Variants in CSNK2A2IP observed in about 807,000 individuals in gnomAD.
The protein encoded by CSNK2A2IP is casein kinase 2 subunit alpha' interacting protein, also known as casein kinase II subunit alpha'-interacting protein.
At chr3:88,437,236 G>A in the CSNK2A2IP span, among the ~76,000 whole-genome samples, 1 of 152,092 alleles carries the variant, frequency 6.6e-6, no homozygotes, top group Non-Finnish European at 1.5e-5. Flanking sequence ...AATGATGCTA[G>A]TGTCTGCAGC....
chr3:88,338,695 TC>T, the CSNK2A2IP span: 1 of 152,058 alleles, frequency 6.6e-6, no homozygotes, highest in Non-Finnish European at 1.5e-5. Flanking sequence ...CTAAAGTCCT[TC>T]TGTGTTGTAT....
the CSNK2A2IP span, among the ~76,000 whole-genome samples, chr3:88,440,053 C>T: frequency 2.0e-5 from 3 of 152,220 alleles, no homozygotes; most frequent in Non-Finnish European, 4.4e-5. Flanking sequence ...ACTCAGTTTC[C>T]CCATCCACAG....
At chr3:88,463,509 C>G in the CSNK2A2IP span, among the ~76,000 whole-genome samples, 4 of 152,072 alleles carry the variant, frequency 2.6e-5, no homozygotes, top group Non-Finnish European at 5.9e-5. Context: ...ACAGACACTT[C>G]TCAAAAGAAG....
At chr3:88,345,912 G>T in the CSNK2A2IP span, among the ~76,000 whole-genome samples, 1 of 152,004 alleles carries the variant, frequency 6.6e-6, no homozygotes, top group African/African-American at 2.4e-5. Flanking sequence ...CAGGTTGAAA[G>T]TTAGGCCTCT....
the CSNK2A2IP span, among the ~76,000 whole-genome samples, chr3:88,394,316 T>G: frequency 1.3e-5 from 2 of 152,202 alleles, no homozygotes; most frequent in Admixed American, 6.5e-5. Flanking sequence ...TATTTGGTGT[T>G]TTTAAGTTTT....
the CSNK2A2IP span, among the ~76,000 whole-genome samples, chr3:88,427,367 A>G: frequency 6.6e-6 from 1 of 152,184 alleles, no homozygotes; most frequent in Admixed American, 6.5e-5. Context: ...TGACAATGCA[A>G]TAGGAAAGAA....
chr3:88,395,801 TG>T, the CSNK2A2IP span, among the ~76,000 whole-genome samples: 1 of 152,236 alleles, frequency 6.6e-6, no homozygotes, highest in South Asian at 2.1e-4. Flanking sequence ...GAGTTTTCAA[TG>T]TACATGTCTT....
chr3:88,367,846 C>T, the CSNK2A2IP span, among the ~76,000 whole-genome samples: 1 of 151,996 alleles, frequency 6.6e-6, no homozygotes, highest in African/African-American at 2.4e-5. Flanking sequence ...ATTAAAAATG[C>T]AAATCTTTTG....
chr3:88,463,643 C>G, the CSNK2A2IP span, among the ~76,000 whole-genome samples: 1 of 152,102 alleles, frequency 6.6e-6, no homozygotes, highest in African/African-American at 2.4e-5. Flanking sequence ...ATTAAAAAGT[C>G]AGGAAACAAC....
chr3:88,444,793 T>C, the CSNK2A2IP span, among the ~76,000 whole-genome samples: 108 of 152,346 alleles, frequency 7.1e-4, 1 homozygote, highest in East Asian at 0.018. Flanking sequence ...TTCTTGATTT[T>C]ATATAAGCAA....
chr3:88,417,991 A>G, the CSNK2A2IP span, among the ~76,000 whole-genome samples: 1 of 152,220 alleles, frequency 6.6e-6, no homozygotes, highest in African/African-American at 2.4e-5. Context: ...TTTAAAATGT[A>G]TATTAATCAC....
At chr3:88,372,344 T>C in the CSNK2A2IP span, among the ~76,000 whole-genome samples, 1 of 151,420 alleles carries the variant, frequency 6.6e-6, no homozygotes, top group Non-Finnish European at 1.5e-5. Context: ...ATGAAAATGA[T>C]AACACAAAGG....
At chr3:88,380,042 TTGTAAA>T in the CSNK2A2IP span, among the ~76,000 whole-genome samples, 2 of 152,222 alleles carry the variant, frequency 1.3e-5, no homozygotes, top group South Asian at 4.1e-4. Context: ...ACTAAAAATG[TTGTAAA>T]TGTATAGAAT....
chr3:88,444,031 A>T, the CSNK2A2IP span, among the ~76,000 whole-genome samples: 1 of 152,100 alleles, frequency 6.6e-6, no homozygotes, highest in African/African-American at 2.4e-5. Context: ...CTTTATAGTC[A>T]CAGATAATAT....
the CSNK2A2IP span, among the ~76,000 whole-genome samples, chr3:88,366,754 G>A: frequency 3.9e-5 from 6 of 152,092 alleles, no homozygotes; most frequent in East Asian, 1.9e-4. Flanking sequence ...TTAAATAGGG[G>A]CATGTATTAG....
At chr3:88,466,676 C>G in the CSNK2A2IP span, 2 of 1,207,330 alleles carry the variant, frequency 1.7e-6, no homozygotes, top group South Asian at 4.2e-5. Context: ...AATTCTATCT[C>G]AAATACCAGA....
chr3:88,418,570 C>A, the CSNK2A2IP span, among the ~76,000 whole-genome samples: 1 of 151,852 alleles, frequency 6.6e-6, no homozygotes, highest in Admixed American at 6.6e-5. Context: ...TTAGCCTTAG[C>A]CATTGACAGG....
the CSNK2A2IP span, among the ~76,000 whole-genome samples, chr3:88,348,050 A>C: frequency 6.6e-6 from 1 of 151,970 alleles, no homozygotes. Flanking sequence ...TTCCTTATCT[A>C]ATTACAGGTT....
At chr3:88,455,716 C>G in the CSNK2A2IP span, among the ~76,000 whole-genome samples, 2 of 151,856 alleles carry the variant, frequency 1.3e-5, no homozygotes, top group Admixed American at 6.6e-5. Context: ...TGTAGTCCTA[C>G]TTATTTAGTT....
Sources: gnomAD v4.1 joint callset for allele counts (sites outside exome capture counted in the v4.1 genomes callset) on GRCh38, gnomAD v4.1.1 for gene constraint, MANE v1.5 for transcripts, NCBI Gene and HGNC (gene_info 2026-07-23, HGNC 2026-07-21) for gene names.